The following CCDC178 variants were observed in gnomAD, a reference collection of about 807,000 sequenced individuals.
The protein encoded by CCDC178 is coiled-coil domain containing 178, also known as coiled-coil domain-containing protein 178.
CCDC178 carries 126 observed loss-of-function variants against 117.4 expected under a neutral mutation model. The observed-to-expected ratio is 1.07, with a 90% CI of 0.93 to 1.24. The LOEUF (loss-of-function observed/expected upper bound fraction) is 1.24. Ranked by LOEUF, CCDC178 falls within the 50% of genes most tolerant of loss-of-function variation. The pLI, the probability that CCDC178 is intolerant of heterozygous loss-of-function variation, is 0.00. For missense variants in CCDC178, 1,030 were observed against 986.9 expected, an observed-to-expected ratio of 1.04 and a Z score of -0.59; for synonymous variants, 283 against 313.4, an observed-to-expected ratio of 0.90 and a Z score of 1.02.
chr18:33,106,084 T>G (rs938815211), intron 20 of CCDC178, among the ~76,000 whole-genome samples: 14 of 151,606 alleles, frequency 9.2e-5, no homozygotes, highest in Non-Finnish European at 1.9e-4. Flanking sequence ...ATGACTTAAA[T>G]ATGGAGAAGT....
chr18:33,079,315 AT>A lies in CCDC178; in HGVS notation c.2388+13445del, dbSNP rs1731177142. Among the ~76,000 whole-genome samples the A allele has an allele frequency of 5.9e-5, 9 of 152,312 alleles. No individual in the cohort carries two copies. The South Asian group carries it at 1.7e-3, about 28-fold the overall frequency. On this transcript the variant is annotated intron_variant, in intron 21 of 22. Coordinates refer to ENST00000383096, the MANE Select transcript of CCDC178 (RefSeq NM_001105528.4). Reference sequence around the variant, plus strand: ...AGACTTAAATGCACAATCCAAACCTATAAAAACCCTAGAAGGTAACCTAGGC... The same window carrying A: ...AGACTTAAATGCACAATCCAAACCTAAAAAACCCTAGAAGGTAACCTAGGC...
At chr18:33,378,289 A>G (rs1411545552) in intron 5 of CCDC178, among the ~76,000 whole-genome samples, 2 of 152,142 alleles carry the variant, frequency 1.3e-5, no homozygotes, top group African/African-American at 4.8e-5. Flanking sequence ...TTGTACATTA[A>G]TTTTGTACTG....
At chr18:33,409,165 C>T (rs993690777) in intron 3 of CCDC178, among the ~76,000 whole-genome samples, 9 of 152,132 alleles carry the variant, frequency 5.9e-5, no homozygotes, top group Non-Finnish European at 2.9e-5. Context: ...CCGCATGCGA[C>T]ATCTGCCTCC....
At chr18:33,257,474 C>G (rs2059694999) in intron 14 of CCDC178, among the ~76,000 whole-genome samples, 1 of 152,102 alleles carries the variant, frequency 6.6e-6, no homozygotes, top group African/African-American at 2.4e-5. Flanking sequence ...CCAAGTTCAA[C>G]AAGGCTATTC....
intron 20 of CCDC178, among the ~76,000 whole-genome samples, chr18:33,118,764 G>C (rs928782240): frequency 6.6e-6 from 1 of 152,128 alleles, no homozygotes; most frequent in Admixed American, 6.5e-5. Context: ...AAAAGCTGAA[G>C]GCATCATGCT....
chr18:33,152,396 T>C (rs2058351345), intron 20 of CCDC178, among the ~76,000 whole-genome samples: 1 of 151,948 alleles, frequency 6.6e-6, no homozygotes, highest in Non-Finnish European at 1.5e-5. Flanking sequence ...CTTAAGCATG[T>C]GACTTTCTTT....
At chr18:33,164,613 G>GCCTTC (rs1477465547) in intron 20 of CCDC178, among the ~76,000 whole-genome samples, 3 of 150,238 alleles carry the variant, frequency 2.0e-5, no homozygotes, top group African/African-American at 7.4e-5. Flanking sequence ...AAAAAAAAAT[G>GCCTTC]GTGGTAAGAA....
intron 21 of CCDC178, among the ~76,000 whole-genome samples, chr18:33,051,531 C>T (rs1028254375): frequency 3.9e-5 from 6 of 152,132 alleles, no homozygotes; most frequent in Admixed American, 6.5e-5. Context: ...TCTAGTGACA[C>T]GAAGATTCAG....
intron 21 of CCDC178, among the ~76,000 whole-genome samples, chr18:33,082,272 A>G (rs1439017415): frequency 6.6e-6 from 1 of 152,098 alleles, no homozygotes; most frequent in Admixed American, 6.6e-5. Flanking sequence ...GGAGTTCGAG[A>G]TCAGCCTGGG....
At chr18:33,211,355 T>C (rs1321115906) in intron 20 of CCDC178, among the ~76,000 whole-genome samples, 1 of 151,758 alleles carries the variant, frequency 6.6e-6, no homozygotes, top group Non-Finnish European at 1.5e-5. Context: ...AATGCAAACA[T>C]TTTATAGGTA....
chr18:33,243,238 T>C (rs1398971738), intron 15 of CCDC178, among the ~76,000 whole-genome samples: 1 of 151,780 alleles, frequency 6.6e-6, no homozygotes, highest in Non-Finnish European at 1.5e-5. Flanking sequence ...CAGAGAATAC[T>C]GAAAAGTGGG....
intron 3 of CCDC178, among the ~76,000 whole-genome samples, chr18:33,397,584 A>ATAT (rs1251173041): frequency 6.6e-6 from 1 of 152,202 alleles, no homozygotes; most frequent in African/African-American, 2.4e-5. Flanking sequence ...TAAAAAATCC[A>ATAT]ACAGTATGGT....
At chr18:33,204,948 G>A (rs1423153709) in intron 20 of CCDC178, among the ~76,000 whole-genome samples, 3 of 151,978 alleles carry the variant, frequency 2.0e-5, no homozygotes, top group Non-Finnish European at 4.4e-5. Context: ...CAGGAAACAA[G>A]GAGGGAGAAA....
At chr18:33,231,629 C>T (rs1390947874) in intron 15 of CCDC178, among the ~76,000 whole-genome samples, 2 of 152,170 alleles carry the variant, frequency 1.3e-5, no homozygotes, top group Non-Finnish European at 2.9e-5. Context: ...AGGGGACAGG[C>T]AGGCAGAGCT....
At chr18:33,330,928 G>A (rs750482190) in intron 10 of CCDC178, among the ~76,000 whole-genome samples, 93 of 150,802 alleles carry the variant, frequency 6.2e-4, no homozygotes, top group Non-Finnish European at 1.2e-3. Flanking sequence ...GAAAACATCT[G>A]GAATAATGTT....
chr18:33,297,224 T>C (rs2062116922), intron 11 of CCDC178, among the ~76,000 whole-genome samples: 1 of 152,008 alleles, frequency 6.6e-6, no homozygotes. Context: ...AGTAAATGAC[T>C]ATAGCAAAAA....
At chr18:33,256,504 T>G (rs1229960881) in intron 14 of CCDC178, among the ~76,000 whole-genome samples, 1 of 152,068 alleles carries the variant, frequency 6.6e-6, no homozygotes, top group Non-Finnish European at 1.5e-5. Flanking sequence ...GCCAGGCCTT[T>G]AATTTCTCCT....
chr18:33,406,633 A>G (rs2063784501), intron 3 of CCDC178, among the ~76,000 whole-genome samples: 2 of 152,164 alleles, frequency 1.3e-5, no homozygotes, highest in East Asian at 1.9e-4. Context: ...GACATAATCC[A>G]TAAGGATGAT....
rs575774972 is a variant in CCDC178 at position 33,146,908 on chromosome 18, C to G, written c.2239-53998G>C. On this transcript the variant is annotated intron_variant, in intron 20 of 22. Transcript: ENST00000383096. Reference sequence around the variant, plus strand: ...TTAAGACTCAGTCTGAAAAAATACCCGTAAAGTTACATGATTATTTCAGCC... The same window carrying G: ...TTAAGACTCAGTCTGAAAAAATACCGGTAAAGTTACATGATTATTTCAGCC... Among the ~76,000 whole-genome samples the G allele has an allele frequency of 2.6e-5, 4 of 152,216 alleles. No individual in the cohort carries two copies. In the East Asian group the frequency reaches 7.7e-4, roughly 29 times the overall value.
Sources: gnomAD v4.1 joint callset for allele counts (sites outside exome capture counted in the v4.1 genomes callset) on GRCh38, gnomAD v4.1.1 for gene constraint, MANE v1.5 for transcripts, NCBI Gene and HGNC (gene_info 2026-07-23, HGNC 2026-07-21) for gene names.